Variants in ASIC2 observed in about 807,000 individuals in gnomAD.
ASIC2 encodes the protein acid-sensing ion channel 2.
A neutral mutation model predicts 57.3 loss-of-function variants in ASIC2; 25 were observed. That is an observed-to-expected ratio of 0.44 (90% confidence interval 0.32 to 0.61). The LOEUF is 0.61. Ranked by LOEUF, ASIC2 falls within the 20% of genes least tolerant of loss-of-function variation. The probability of loss-of-function intolerance (pLI) is 0.06; values close to 1 mark genes in which losing one functional copy is unlikely to be tolerated. For missense variants in ASIC2, 641 were observed against 738.1 expected (o/e 0.87, Z 1.52); for synonymous variants, 319 against 307.5 (o/e 1.04, Z -0.39).
At chr17:33,342,477 A>G (rs1297577951) in intron 1 of ASIC2, among the ~76,000 whole-genome samples, 1 of 152,070 alleles carries the variant, frequency 6.6e-6, no homozygotes, top group Non-Finnish European at 1.5e-5. Flanking sequence ...TGGTATGTAT[A>G]TGATTATGTG....
chr17:33,622,936 C>T (rs1245296019), intron 1 of ASIC2, among the ~76,000 whole-genome samples: 2 of 152,112 alleles, frequency 1.3e-5, no homozygotes, highest in South Asian at 2.1e-4. Context: ...AAATGAGAGC[C>T]CAGAGAAGTT....
At chr17:33,901,131 T>C (rs529835372) in intron 1 of ASIC2, among the ~76,000 whole-genome samples, 1 of 152,296 alleles carries the variant, frequency 6.6e-6, no homozygotes, top group South Asian at 2.1e-4. Context: ...CCTCCTCTCC[T>C]TGGCTCTCAG....
chr17:33,021,388 T>A, intron 6 of ASIC2, 78 bp from the exon 7 acceptor site: 4 of 1,182,936 alleles, frequency 3.4e-6, no homozygotes, highest in Non-Finnish European at 4.8e-6. Context: ...AGCTTTCCCA[T>A]GGAAAGATGG....
intron 1 of ASIC2, among the ~76,000 whole-genome samples, chr17:34,115,097 G>T (rs1192109103): frequency 6.6e-6 from 1 of 152,156 alleles, no homozygotes; most frequent in Non-Finnish European, 1.5e-5. Flanking sequence ...TTTTGCTTTT[G>T]TTTCAGCTCT....
intron 1 of ASIC2, among the ~76,000 whole-genome samples, chr17:33,746,709 A>C (rs1425582552): frequency 6.6e-6 from 1 of 152,034 alleles, no homozygotes; most frequent in Non-Finnish European, 1.5e-5. Flanking sequence ...CTTGAACAAC[A>C]CTATACATAA....
At chr17:33,341,006 A>T (rs1907698970) in intron 1 of ASIC2, among the ~76,000 whole-genome samples, 1 of 152,116 alleles carries the variant, frequency 6.6e-6, no homozygotes, top group Non-Finnish European at 1.5e-5. Flanking sequence ...TAGAGAAGGG[A>T]TATCATTTAA....
At chr17:33,042,854 A>G (rs1023916939) in intron 3 of ASIC2, among the ~76,000 whole-genome samples, 4 of 152,196 alleles carry the variant, frequency 2.6e-5, no homozygotes, top group Admixed American at 6.5e-5. Context: ...TCAGACCCCA[A>G]TATGGGAAAC....
chr17:33,023,215 C>T (rs1006235059), intron 6 of ASIC2, among the ~76,000 whole-genome samples: 5 of 152,236 alleles, frequency 3.3e-5, no homozygotes, highest in South Asian at 2.1e-4. Flanking sequence ...GGGCCAGGCG[C>T]GGTGGCTCAC....
chr17:33,971,675 G>A (rs1008423206), intron 1 of ASIC2, among the ~76,000 whole-genome samples: 6 of 151,962 alleles, frequency 3.9e-5, no homozygotes, highest in South Asian at 2.1e-4. Flanking sequence ...TTCTACCTAC[G>A]AATCTACCTA....
intron 1 of ASIC2, among the ~76,000 whole-genome samples, chr17:33,482,526 C>CA (rs2141927952): frequency 6.6e-6 from 1 of 152,296 alleles, no homozygotes; most frequent in African/African-American, 2.4e-5. Context: ...ATTTATCATT[C>CA]AAAAAATATG....
chr17:33,175,785 C>T (rs1014360321), intron 1 of ASIC2, among the ~76,000 whole-genome samples: 6 of 152,166 alleles, frequency 3.9e-5, no homozygotes, highest in Admixed American at 1.3e-4. Flanking sequence ...CGGGAGGCTC[C>T]ACTTGGCTCC....
chr17:33,540,170 G>A (rs1229826516), intron 1 of ASIC2, among the ~76,000 whole-genome samples: 1 of 152,092 alleles, frequency 6.6e-6, no homozygotes, highest in African/African-American at 2.4e-5. Flanking sequence ...TCTAGCTTTT[G>A]GTAGCTCCAG....
At position 33,506,439 on chromosome 17, in the gene ASIC2, G is replaced by T. The variant is rs547903353; in HGVS notation, c.556-394372C>A. Among the ~76,000 whole-genome samples, 9 of 150,102 alleles carry T rather than the reference G, an allele frequency of 6.0e-5. No individual in the cohort carries two copies. In the South Asian group the frequency reaches 1.9e-3, roughly 31 times the overall value. On this transcript the variant is annotated intron_variant, in intron 1 of 9. Coordinates refer to the ASIC2 transcript ENST00000359872. ...AAAAAAAAAAAAAAAACTAGACAAA[G>T]ACCTAAGTCATTAGGGTGTGTGAGT... is the stretch of plus-strand genomic sequence containing the variant.
intron 3 of ASIC2, chr17:33,052,978 G>A (rs1255313857): frequency 6.6e-6 from 1 of 152,122 alleles, no homozygotes; most frequent in East Asian, 1.9e-4. Flanking sequence ...AAACCTACAG[G>A]AGGACAGAGA....
chr17:33,297,727 AG>A, upstream of ASIC2, among the ~76,000 whole-genome samples: 1 of 151,818 alleles, frequency 6.6e-6, no homozygotes, highest in East Asian at 1.9e-4. Flanking sequence ...AGGAGGCTGA[AG>A]TGGGGGGATC....
At chr17:33,314,130 C>T (rs1906545635) in intron 1 of ASIC2, among the ~76,000 whole-genome samples, 1 of 152,100 alleles carries the variant, frequency 6.6e-6, no homozygotes, top group Non-Finnish European at 1.5e-5. Flanking sequence ...TGTCTATACT[C>T]TTTGTTATCT....
intron 1 of ASIC2, among the ~76,000 whole-genome samples, chr17:34,046,203 C>T (rs1268929832): frequency 6.6e-6 from 1 of 152,230 alleles, no homozygotes; most frequent in Admixed American, 6.5e-5. Context: ...AACTTTCCAG[C>T]TGAGCCCTAA....
chr17:33,489,776 C>T (rs541812542), intron 1 of ASIC2, among the ~76,000 whole-genome samples: 1 of 152,340 alleles, frequency 6.6e-6, no homozygotes, highest in South Asian at 2.1e-4. Flanking sequence ...TTCACTCATT[C>T]ACCAAGCATT....
rs182000197 is a variant in ASIC2, at chr17:33,335,001, C to A, written c.556-222934G>T. ...GCTTTGAAAACTTGGGGCTGATGAACCTGCCAGTTATTTGCTAGTTCTCAA... is the reference window on the plus strand; with the variant it reads ...GCTTTGAAAACTTGGGGCTGATGAAACTGCCAGTTATTTGCTAGTTCTCAA... On this transcript the variant is annotated intron_variant, in intron 1 of 9. Transcript: ENST00000359872. Among the ~76,000 whole-genome samples the A allele has an allele frequency of 7.9e-5, 12 of 152,236 alleles. No homozygotes were observed. In the East Asian group the frequency reaches 1.9e-3, roughly 25 times the overall value.
Sources: allele counts gnomAD v4.1 joint callset (sites outside exome capture counted in the v4.1 genomes callset), GRCh38; gene constraint gnomAD v4.1.1; transcripts MANE v1.5; gene names NCBI Gene and HGNC (gene_info 2026-07-23, HGNC 2026-07-21).